Variants in LRRTM4 observed in about 807,000 individuals in gnomAD.
The protein encoded by LRRTM4 is leucine-rich repeat transmembrane neuronal protein 4.
LRRTM4 carries 25 observed loss-of-function variants against 47.6 expected under a neutral mutation model. The observed-to-expected ratio is 0.53, with a 90% CI of 0.38 to 0.73. The LOEUF (loss-of-function observed/expected upper bound fraction) is 0.73. Among genes scored for constraint, LRRTM4 ranks in the 30% least tolerant of loss-of-function variants. The probability of loss-of-function intolerance (pLI) is 0.00; values close to 1 mark genes in which losing one functional copy is unlikely to be tolerated. For synonymous variants in LRRTM4, 311 were observed against 269.5 expected (o/e 1.15, Z -1.51); for missense variants, 638 against 713.4 (o/e 0.89, Z 1.20).
chr2:76,911,389 G>C (rs1309095239), intron 3 of LRRTM4, among the ~76,000 whole-genome samples: 1 of 152,214 alleles, frequency 6.6e-6, no homozygotes, highest in Non-Finnish European at 1.5e-5. Flanking sequence ...GCCAAGAACA[G>C]TTACTGTGAC....
intron 3 of LRRTM4, among the ~76,000 whole-genome samples, chr2:77,003,979 C>G (rs1573436992): frequency 1.3e-5 from 2 of 152,250 alleles, no homozygotes; most frequent in African/African-American, 2.4e-5. Flanking sequence ...TGCAAAGAAA[C>G]TGGTAGCGTT....
chr2:76,807,570 T>TTTTA (rs1175728753), intron 3 of LRRTM4, among the ~76,000 whole-genome samples: 1 of 149,160 alleles, frequency 6.7e-6, no homozygotes, highest in Non-Finnish European at 1.5e-5. Context: ...TTCTATTTAG[T>TTTTA]TTTATTTTCA....
intron 3 of LRRTM4, among the ~76,000 whole-genome samples, chr2:77,177,757 T>A (rs1323592380): frequency 6.6e-6 from 1 of 152,236 alleles, no homozygotes; most frequent in East Asian, 1.9e-4. Context: ...ACTTGATTCT[T>A]TTCAGCTAAA....
chr2:77,068,962 T>C (rs1286400677), intron 3 of LRRTM4, among the ~76,000 whole-genome samples: 1 of 151,948 alleles, frequency 6.6e-6, no homozygotes, highest in Non-Finnish European at 1.5e-5. Context: ...CTTAAGGGCA[T>C]GTTCCTGCTG....
At chr2:77,056,048 G>A (rs1326388899) in intron 3 of LRRTM4, among the ~76,000 whole-genome samples, 2 of 115,774 alleles carry the variant, frequency 1.7e-5, no homozygotes, top group South Asian at 3.5e-4. Flanking sequence ...TGTGGGGTGG[G>A]GGGAGGGGGG....
chr2:77,117,363 A>AT (rs1449693627), intron 3 of LRRTM4, among the ~76,000 whole-genome samples: 2 of 152,014 alleles, frequency 1.3e-5, no homozygotes, highest in African/African-American at 4.8e-5. Flanking sequence ...GTATTTAAAT[A>AT]TTATCTCTTA....
At chr2:77,495,930 A>G (rs979429315) in intron 3 of LRRTM4, among the ~76,000 whole-genome samples, 4 of 151,924 alleles carry the variant, frequency 2.6e-5, no homozygotes, top group Non-Finnish European at 5.9e-5. Context: ...GGCTGCTTAG[A>G]CTTTGGTTAA....
intron 3 of LRRTM4, among the ~76,000 whole-genome samples, chr2:77,264,516 A>C (rs1340936300): frequency 6.6e-6 from 1 of 152,122 alleles, no homozygotes; most frequent in Non-Finnish European, 1.5e-5. Flanking sequence ...CACATTTTGG[A>C]GTACACAAAC....
At chr2:76,822,579 C>A (rs1671082228) in intron 3 of LRRTM4, among the ~76,000 whole-genome samples, 1 of 151,378 alleles carries the variant, frequency 6.6e-6, no homozygotes, top group Non-Finnish European at 1.5e-5. Context: ...GTGAGCTAAA[C>A]CAACATGTAA....
At chr2:77,013,552 G>A (rs956908471) in intron 3 of LRRTM4, among the ~76,000 whole-genome samples, 19 of 152,012 alleles carry the variant, frequency 1.2e-4, no homozygotes, top group African/African-American at 4.4e-4. Context: ...GTATCAATGG[G>A]GAGATATCCT....
chr2:77,517,728 T>G, intron 3 of LRRTM4: 2 of 982,624 alleles, frequency 2.0e-6, no homozygotes, highest in Non-Finnish European at 2.4e-6. Context: ...CTTAGGAGCC[T>G]GATACAATTA....
intron 3 of LRRTM4, among the ~76,000 whole-genome samples, chr2:76,853,034 G>A (rs760148587): frequency 2.0e-5 from 3 of 152,160 alleles, no homozygotes; most frequent in Non-Finnish European, 4.4e-5. Flanking sequence ...AGAATATAGA[G>A]AGATGAGACT....
At chr2:77,378,190 T>A (rs770083547) in intron 3 of LRRTM4, among the ~76,000 whole-genome samples, 1 of 152,038 alleles carries the variant, frequency 6.6e-6, no homozygotes, top group Non-Finnish European at 1.5e-5. Flanking sequence ...GCCATATATT[T>A]ATCTGTTGTA....
At chr2:76,786,621 G>A (rs1220740337) in intron 3 of LRRTM4, among the ~76,000 whole-genome samples, 1 of 152,000 alleles carries the variant, frequency 6.6e-6, no homozygotes, top group Non-Finnish European at 1.5e-5. Flanking sequence ...AGAGCAGAGA[G>A]GTAATTTGGT....
At chr2:76,809,023 T>G (rs991074874) in intron 3 of LRRTM4, among the ~76,000 whole-genome samples, 6 of 152,126 alleles carry the variant, frequency 3.9e-5, no homozygotes, top group Non-Finnish European at 7.3e-5. Context: ...TCAACCATAT[T>G]TTACCCCAAT....
intron 3 of LRRTM4, among the ~76,000 whole-genome samples, chr2:76,907,718 T>C (rs538204428): frequency 8.8e-6 from 1 of 113,584 alleles, no homozygotes; most frequent in Admixed American, 9.6e-5. Context: ...CAAACACCTC[T>C]ACGCAAATAA....
intron 3 of LRRTM4, among the ~76,000 whole-genome samples, chr2:77,247,753 C>T (rs1561528): frequency 0.55 from 82,977 of 151,684 alleles, 23,057 homozygotes; most frequent in African/African-American, 0.6. Context: ...GCCTAGGAAA[C>T]ACTAAAGAAA....
chr2:76,781,966 C>G (rs2104163947), intron 3 of LRRTM4, among the ~76,000 whole-genome samples: 1 of 152,180 alleles, frequency 6.6e-6, no homozygotes, highest in Non-Finnish European at 1.5e-5. Flanking sequence ...TTTTTTAAAG[C>G]CAAACCTCTT....
chr2:77,044,029 TTC>T (rs927497237), intron 3 of LRRTM4, among the ~76,000 whole-genome samples: 7 of 151,708 alleles, frequency 4.6e-5, no homozygotes, highest in Non-Finnish European at 8.9e-5. Flanking sequence ...CCTCCTTCAT[TTC>T]TGTTTGTTTT....
Sources: gnomAD v4.1 joint callset for allele counts (sites outside exome capture counted in the v4.1 genomes callset) on GRCh38, gnomAD v4.1.1 for gene constraint, MANE v1.5 for transcripts, NCBI Gene and HGNC (gene_info 2026-07-23, HGNC 2026-07-21) for gene names.